GOLGA5: variants seen among roughly 807,000 people sequenced by gnomAD.
GOLGA5 encodes golgin A5, also known as golgin subfamily A member 5.
In GOLGA5, 50 loss-of-function variants were observed where a neutral mutation model predicts 93.5. The observed-to-expected ratio is 0.53, with a 90% CI of 0.43 to 0.68. The LOEUF is 0.68. GOLGA5 is among the 30% of genes least tolerant of loss of function. The probability of loss-of-function intolerance (pLI) is 0.00; values close to 1 mark genes in which losing one functional copy is unlikely to be tolerated. For missense variants in GOLGA5, 760 were observed against 856.4 expected (o/e 0.89, Z 1.40); for synonymous variants, 312 against 304.5 (o/e 1.02, Z -0.26).
intron 2 of GOLGA5, 131 bp from the exon 3 acceptor site, chr14:92,806,605 G>C (rs112577599): frequency 1.5e-6 from 1 of 646,364 alleles, no homozygotes; most frequent in African/African-American, 1.8e-5. Context: ...GAGCCACCGC[G>C]CCTAGCTGAG....
At chr14:92,812,462 G>A (rs1885122663) in intron 6 of GOLGA5, among the ~76,000 whole-genome samples, 2 of 152,104 alleles carry the variant, frequency 1.3e-5, no homozygotes, top group South Asian at 4.1e-4. Context: ...GTCTCTTTTA[G>A]CTTTGTGACC....
At chr14:92,802,716 G>T (rs1380168594) in intron 2 of GOLGA5, among the ~76,000 whole-genome samples, 2 of 149,646 alleles carry the variant, frequency 1.3e-5, no homozygotes, top group African/African-American at 4.9e-5. Flanking sequence ...TATTAATATA[G>T]TATACAAATC....
chr14:92,838,043 T>TTTGAATACA (rs1284727613), intron 12 of GOLGA5, among the ~76,000 whole-genome samples: 2 of 152,192 alleles, frequency 1.3e-5, no homozygotes, highest in African/African-American at 2.4e-5. Context: ...ATAAAAACAA[T>TTTGAATACA]TTGAATACAA....
intron 1 of GOLGA5, among the ~76,000 whole-genome samples, chr14:92,795,328 A>G (rs1050927490): frequency 6.6e-6 from 1 of 152,242 alleles, no homozygotes; most frequent in African/African-American, 2.4e-5. Context: ...TTTAATAGTC[A>G]CATGTGTAAA....
intron 2 of GOLGA5, among the ~76,000 whole-genome samples, chr14:92,803,226 A>G (rs1328620342): frequency 1.3e-5 from 2 of 152,004 alleles, no homozygotes; most frequent in African/African-American, 4.8e-5. Flanking sequence ...TTGTAGAGAC[A>G]AGGTCTCACT....
chr14:92,810,975 G>C (rs1885091920), intron 5 of GOLGA5, among the ~76,000 whole-genome samples: 2 of 152,322 alleles, frequency 1.3e-5, no homozygotes, highest in African/African-American at 4.8e-5. Context: ...GTCTGGGCTA[G>C]CTTTTCAACA....
At chr14:92,804,567 T>C (rs1296450863) in intron 2 of GOLGA5, among the ~76,000 whole-genome samples, 2 of 152,114 alleles carry the variant, frequency 1.3e-5, no homozygotes, top group Non-Finnish European at 2.9e-5. Context: ...TATCATTTTT[T>C]CTATAAACAT....
chr14:92,795,430 C>CT (rs138098650), intron 1 of GOLGA5, among the ~76,000 whole-genome samples: 10,084 of 152,248 alleles, frequency 0.066, 399 homozygotes, highest in Middle Eastern at 0.12. Context: ...AGGTTTGGCA[C>CT]TAGGGTAACT....
Position 92,839,670 on chromosome 14 carries a change from TTTATC to T in GOLGA5, c.*226_*230del. ...AATAATTTAACAAGCTCAGCTCTGC[TTTATC>T]TGAGTTTAGTGGTCCTAATATATAT... On this transcript the variant is annotated 3_prime_UTR_variant, in exon 13 of 13. Coordinates refer to ENST00000163416, the MANE Select transcript of GOLGA5 (RefSeq NM_005113.4). 1 of 573,040 alleles carries T rather than the reference TTTATC, an allele frequency of 1.7e-6. No homozygotes were observed. The allele number at this position is 573,040 out of a possible 1,614,324, so 35.5% of individuals were successfully genotyped here. A position where few individuals can be genotyped will look rare whatever the true frequency, so the allele number is the denominator to read the frequency against.
intron 11 of GOLGA5, among the ~76,000 whole-genome samples, chr14:92,835,939 G>A (rs2402201): frequency 3.6e-4 from 7 of 19,446 alleles, no homozygotes; most frequent in African/African-American, 1.2e-3. Flanking sequence ...AACCCTGACT[G>A]TATCTCTTTT....
chr14:92,815,233 C>T (rs899293472), intron 6 of GOLGA5, among the ~76,000 whole-genome samples: 1 of 152,168 alleles, frequency 6.6e-6, no homozygotes, highest in Non-Finnish European at 1.5e-5. Flanking sequence ...ATGCTTTGCT[C>T]TCTGTTTTTC....
Position 92,839,591 on chromosome 14 carries a change from A to T in GOLGA5, c.*145A>T, listed in dbSNP as rs895357457. On this transcript the variant is annotated 3_prime_UTR_variant, in exon 13 of 13. Transcript: ENST00000163416. ...TAACTTTTTAAGTTATTGTACAAGT[A>T]TTCTACCTAAATCTTCCAATTTCCT... 4.9e-6 allele frequency: 3 copies of T among 610,018 alleles called. No individual in the cohort carries two copies. In the African/African-American group the frequency reaches 5.5e-5, roughly 11 times the overall value. The allele number at this position is 610,018 out of a possible 1,614,324, so 37.8% of individuals were successfully genotyped here. A position where few individuals can be genotyped will look rare whatever the true frequency, so the allele number is the denominator to read the frequency against.
intron 2 of GOLGA5, among the ~76,000 whole-genome samples, chr14:92,800,165 G>T (rs1023062232): frequency 6.6e-6 from 1 of 152,234 alleles, no homozygotes; most frequent in Non-Finnish European, 1.5e-5. Flanking sequence ...GCAAGGATAT[G>T]GAAGTGTCCA....
At chr14:92,838,129 T>G (rs1191046316) in intron 12 of GOLGA5, among the ~76,000 whole-genome samples, 2 of 152,206 alleles carry the variant, frequency 1.3e-5, no homozygotes, top group Non-Finnish European at 2.9e-5. Context: ...TAAAAGAGCC[T>G]CAAGATTGAT....
intron 2 of GOLGA5, among the ~76,000 whole-genome samples, chr14:92,801,485 T>C (rs999438240): frequency 6.6e-6 from 1 of 152,176 alleles, no homozygotes; most frequent in Admixed American, 6.5e-5. Context: ...AGATTATTTG[T>C]CTTTTTTCTT....
chr14:92,800,639 G>A (rs1327642048), intron 2 of GOLGA5, among the ~76,000 whole-genome samples: 3 of 152,182 alleles, frequency 2.0e-5, no homozygotes, highest in Admixed American at 1.3e-4. Context: ...GAATTATTGA[G>A]TGCCTTCCCA....
At chr14:92,826,251 T>A in intron 9 of GOLGA5, among the ~76,000 whole-genome samples, 1 of 151,074 alleles carries the variant, frequency 6.6e-6, no homozygotes. Flanking sequence ...TAAGTTGACT[T>A]GTACAATCTG....
At chr14:92,834,236 T>A (rs1178113839) in intron 10 of GOLGA5, among the ~76,000 whole-genome samples, 1 of 151,058 alleles carries the variant, frequency 6.6e-6, no homozygotes, top group African/African-American at 2.4e-5. Context: ...AGTTTTAGGG[T>A]ACATGTGCAC....
chr14:92,799,733 G>A (rs1475694674), intron 2 of GOLGA5, among the ~76,000 whole-genome samples: 2 of 152,110 alleles, frequency 1.3e-5, no homozygotes, highest in African/African-American at 4.8e-5. Context: ...AGCCTCCCGA[G>A]TAGCTGGGAC....
Sources: allele counts gnomAD v4.1 joint callset (sites outside exome capture counted in the v4.1 genomes callset), GRCh38; gene constraint gnomAD v4.1.1; transcripts MANE v1.5; gene names NCBI Gene and HGNC (gene_info 2026-07-23, HGNC 2026-07-21).